The following DAGLB variants were observed in gnomAD, a reference collection of about 807,000 sequenced individuals.
The protein encoded by DAGLB is diacylglycerol lipase-beta.
Under a neutral mutation model 72.1 loss-of-function variants are expected in DAGLB, and 66 were observed. That is an observed-to-expected ratio of 0.92 (90% CI 0.75 to 1.12). The LOEUF (loss-of-function observed/expected upper bound fraction) is 1.12. Among genes scored for constraint, DAGLB ranks in the 50% most tolerant of loss-of-function variants. The pLI is 0.00. For missense variants in DAGLB, 1,065 were observed against 884.9 expected, an observed-to-expected ratio of 1.20 and a Z score of -2.58; for synonymous variants, 414 against 359.5, an observed-to-expected ratio of 1.15 and a Z score of -1.71.
intron 9 of DAGLB, among the ~76,000 whole-genome samples, chr7:6,418,906 C>A (rs1444518656): frequency 6.6e-6 from 1 of 151,928 alleles, no homozygotes; most frequent in Non-Finnish European, 1.5e-5. Context: ...CCTCGTGATC[C>A]ACCCGCCTCG....
chr7:6,417,663 G>C (rs1783965160), intron 9 of DAGLB: 1 of 151,936 alleles, frequency 6.6e-6, no homozygotes, highest in African/African-American at 2.4e-5. Context: ...AGGATCACTT[G>C]AACGCATGAG....
rs1041417564 is a variant in DAGLB at position 6,434,813 on chromosome 7, A to G, written c.627T>C (p.His209=). 5.6e-6 allele frequency: 9 copies of G among 1,614,058 alleles called. No individual in the cohort carries two copies. Among genetic ancestry groups the G allele is most frequent in the Non-Finnish European group, 6.8e-6 (8 of 1,180,044 alleles). The change falls in exon 4 of 15, where the codon CAT becomes CAC. Residue 209 remains histidine (H), a synonymous_variant. Coordinates refer to ENST00000297056, the MANE Select transcript of DAGLB (RefSeq NM_139179.4). The part of the protein sequence containing the change: ...LLCCCIGKDD[H]TRVAFSSTAE... ...CCGTACTCGAAAAAGCAACCCGAGTATGGTCGTCTTTCCCAATGCAACAGC... is the reference window on the plus strand; with the variant it reads ...CCGTACTCGAAAAAGCAACCCGAGTGTGGTCGTCTTTCCCAATGCAACAGC...
chr7:6,416,705 GCGGCCGCCCCGCCCC>G lies in DAGLB; in HGVS notation c.1334_1348del (p.Gly445_Ala449del), dbSNP rs759361380. 1 of 1,613,614 alleles carries G rather than the reference GCGGCCGCCCCGCCCC, an allele frequency of 6.2e-7. No homozygotes were observed. Among genetic ancestry groups the G allele is most frequent in the Non-Finnish European group, 8.5e-7 (1 of 1,179,768 alleles). ...GGCTCTGAGCATGGTGGCCAGCAGGGCGGCCGCCCCGCCCCCGAGGCTGTGGCCCACTATGACCAG... is the reference window on the plus strand; with the variant it reads ...GGCTCTGAGCATGGTGGCCAGCAGGGCGAGGCTGTGGCCCACTATGACCAG... On this transcript the variant is annotated inframe_deletion, in exon 11 of 15. Transcript: ENST00000297056.
At position 6,434,982 on chromosome 7, in the gene DAGLB, A is replaced by G. The variant is rs747273901; in HGVS notation, c.458T>C (p.Ile153Thr). Reference protein sequence around the residue: ...IIAATVVSIIIVFDPLGGKMA... With the variant: ...IIAATVVSIITVFDPLGGKMA... ...TTTCCCCCCAAGAGGGTCAAAGACA[A>G]TGATAATGGAAACCACTGTGGCAGC... Residue 153 changes from isoleucine to threonine, a missense_variant, in exon 4 of 15, where the codon ATT becomes ACT. Transcript: ENST00000297056. The G allele has an allele frequency of 3.3e-5, 53 of 1,613,898 alleles. No individual in the cohort carries two copies. The highest frequency in any genetic ancestry group is 4.3e-5 in the Non-Finnish European group (51 of 1,180,022).
At chr7:6,417,519 TCA>T (rs1043151193) in intron 9 of DAGLB, 4 of 152,424 alleles carry the variant, frequency 2.6e-5, no homozygotes, top group Non-Finnish European at 5.9e-5. Context: ...TGTGAACATA[TCA>T]CAATTTACTT....
intron 8 of DAGLB, chr7:6,422,008 G>T: frequency 1.5e-6 from 1 of 674,874 alleles, no homozygotes; most frequent in Non-Finnish European, 2.7e-6. Flanking sequence ...CCAGCTCTGG[G>T]CCAGGCGTGA....
chr7:6,416,480 T>C lies in DAGLB; in HGVS notation c.1427+147A>G, dbSNP rs532585531. On this transcript the variant is annotated intron_variant, in intron 11 of 14. Transcript: ENST00000297056. ...ACCGCCTGAACCTGGGAGGTGGAGC[T>C]TGCAGTGAGCCGAGATCACGCCACT... 4 of 1,200,712 alleles carry C rather than the reference T, an allele frequency of 3.3e-6. No homozygotes were observed. In the Admixed American group the frequency reaches 1.1e-4, roughly 34 times the overall value. 74.4% of individuals were successfully genotyped at this position (1,200,712 alleles called of 1,614,324 possible).
intron 11 of DAGLB, among the ~76,000 whole-genome samples, chr7:6,414,529 G>T (rs970562036): frequency 2.7e-5 from 4 of 150,708 alleles, no homozygotes; most frequent in Non-Finnish European, 5.9e-5. Flanking sequence ...TCGATCTCCT[G>T]GGCTCAAGTG....
chr7:6,433,397 C>A (rs1784553842), intron 4 of DAGLB, among the ~76,000 whole-genome samples: 1 of 152,126 alleles, frequency 6.6e-6, no homozygotes, highest in Admixed American at 6.6e-5. Flanking sequence ...TAAACTCATA[C>A]TCACAGGGTA....
At chr7:6,438,654 A>G (rs1484432484) in intron 2 of DAGLB, among the ~76,000 whole-genome samples, 2 of 152,158 alleles carry the variant, frequency 1.3e-5, no homozygotes, top group Non-Finnish European at 2.9e-5. Flanking sequence ...TGAAACTCCA[A>G]CTGTGATGAC....
At chr7:6,424,263 G>A (rs1289897748) in intron 8 of DAGLB, among the ~76,000 whole-genome samples, 1 of 152,246 alleles carries the variant, frequency 6.6e-6, no homozygotes, top group East Asian at 1.9e-4. Flanking sequence ...CCATGGGCTG[G>A]GGATGGATGT....
At chr7:6,445,327 C>G (rs1033245879) in intron 2 of DAGLB, among the ~76,000 whole-genome samples, 1 of 152,156 alleles carries the variant, frequency 6.6e-6, no homozygotes, top group Non-Finnish European at 1.5e-5. Context: ...GCTAAAACAT[C>G]GATGAATCTT....
At chr7:6,427,138 A>G (rs906678259) in intron 6 of DAGLB, among the ~76,000 whole-genome samples, 2 of 152,150 alleles carry the variant, frequency 1.3e-5, no homozygotes, top group South Asian at 4.1e-4. Flanking sequence ...ATTAAAATAA[A>G]TAAAAATAAA....
At chr7:6,421,859 G>T in intron 8 of DAGLB, 55 bp from the exon 9 acceptor site, 1 of 1,578,132 alleles carries the variant, frequency 6.3e-7, no homozygotes, top group Non-Finnish European at 8.7e-7. Flanking sequence ...CAGGGTGGGA[G>T]AATGACAGGT....
chr7:6,434,558 G>A (rs1388536739), intron 4 of DAGLB, among the ~76,000 whole-genome samples: 2 of 152,086 alleles, frequency 1.3e-5, no homozygotes, highest in Non-Finnish European at 2.9e-5. Context: ...TGTCCTATTG[G>A]GACACAGGGT....
At chr7:6,415,465 T>C (rs929040881) in intron 11 of DAGLB, among the ~76,000 whole-genome samples, 1 of 151,304 alleles carries the variant, frequency 6.6e-6, no homozygotes, top group African/African-American at 2.4e-5. Context: ...TTTAATGAAA[T>C]AAAGTGGTAT....
At chr7:6,415,033 C>T (rs969517316) in intron 11 of DAGLB, among the ~76,000 whole-genome samples, 1 of 151,870 alleles carries the variant, frequency 6.6e-6, no homozygotes, top group Non-Finnish European at 1.5e-5. Context: ...TGGTGGTGTG[C>T]GCCTATGGTC....
chr7:6,409,919 C>T lies in DAGLB; in HGVS notation c.1937G>A (p.Arg646Gln), dbSNP rs201087247. ...LTDHMPDILM[R>Q]ALDSVVSDRA... ...GTCGGAGACCACGCTGTCCAAGGCC[C>T]GCATCAGGATGTCTGGCATGTGGTC... The change falls in exon 15 of 15, where the codon CGG becomes CAG. Residue 646 changes from arginine (R) to glutamine (Q), a missense_variant. Coordinates refer to ENST00000297056, the MANE Select transcript of DAGLB (RefSeq NM_139179.4). 95 of 1,614,098 alleles carry T rather than the reference C, an allele frequency of 5.9e-5. 1 individual carries two copies. In the East Asian group the frequency reaches 1.9e-3, roughly 33 times the overall value.
At chr7:6,424,677 T>C (rs1784245739) in intron 8 of DAGLB, 75 bp downstream of exon 8, 2 of 1,424,096 alleles carry the variant, frequency 1.4e-6, no homozygotes. Flanking sequence ...ACTGACGGAT[T>C]TCCCCAGCCG....
Sources: gnomAD v4.1 joint callset for allele counts (sites outside exome capture counted in the v4.1 genomes callset) on GRCh38, gnomAD v4.1.1 for gene constraint, MANE v1.5 for transcripts, NCBI Gene and HGNC (gene_info 2026-07-23, HGNC 2026-07-21) for gene names.